Variants in PRDM5 observed in about 807,000 individuals in gnomAD.
The protein encoded by PRDM5 is PR/SET domain 5, also known as PR domain zinc finger protein 5.
Under a neutral mutation model 81.2 loss-of-function variants are expected in PRDM5, and 56 were observed. The observed-to-expected ratio is 0.69, with a 90% CI of 0.56 to 0.86. The LOEUF is 0.86. Among genes scored for constraint, PRDM5 ranks in the 40% least tolerant of loss-of-function variants. PRDM5 has a pLI of 0.00. For synonymous variants in PRDM5, 267 were observed against 256.4 expected (o/e 1.04, Z -0.39); for missense variants, 697 against 770.1 (o/e 0.91, Z 1.12).
chr4:120,895,024 T>G (rs1764462945), intron 2 of PRDM5, among the ~76,000 whole-genome samples: 1 of 152,246 alleles, frequency 6.6e-6, no homozygotes, highest in African/African-American at 2.4e-5. Flanking sequence ...TGTAAGATTT[T>G]TCTTTTTTAT....
chr4:120,733,352 G>A (rs889424186), intron 14 of PRDM5, among the ~76,000 whole-genome samples: 2 of 152,034 alleles, frequency 1.3e-5, no homozygotes, highest in East Asian at 1.9e-4. Context: ...TCTCAACAAC[G>A]CACACCTTGG....
intron 8 of PRDM5, chr4:120,810,435 T>C (rs1753674391): frequency 6.6e-6 from 1 of 152,074 alleles, no homozygotes; most frequent in African/African-American, 2.4e-5. Flanking sequence ...GGATTGGCAT[T>C]CTGCATAAAA....
chr4:120,918,758 G>A (rs1373146374), intron 1 of PRDM5, among the ~76,000 whole-genome samples: 1 of 151,616 alleles, frequency 6.6e-6, no homozygotes, highest in Non-Finnish European at 1.5e-5. Context: ...ACTGTGGAAG[G>A]CATAGGAATC....
chr4:120,873,174 G>C (rs1172754913), intron 2 of PRDM5, among the ~76,000 whole-genome samples: 1 of 151,934 alleles, frequency 6.6e-6, no homozygotes, highest in African/African-American at 2.4e-5. Flanking sequence ...GCTAATTTTT[G>C]TATTTTTTTG....
In PRDM5 at chr4:120,799,728, A is replaced by G. The variant is rs34666716; in HGVS notation, c.963T>C (p.Asp321=). ...TAAATTTCTTCATACATTCTTGACA[A>G]TCAAATATCTCATGAATCTGCAAAA... is the stretch of plus-strand genomic sequence containing the variant. ...QEHRKIHEIF[D]CQECMKKFIS... Residue 321 remains aspartate, a synonymous_variant, in exon 9 of 16, where the codon GAT becomes GAC. Coordinates refer to ENST00000264808, the MANE Select transcript of PRDM5 (RefSeq NM_018699.4). The G allele has an allele frequency of 1.6e-3, 2,512 of 1,612,718 alleles. 35 individuals carry two copies. The African/African-American group carries it at 0.029, about 19-fold the overall frequency.
At chr4:120,754,373 TTTC>T (rs1158302984) in intron 14 of PRDM5, among the ~76,000 whole-genome samples, 177 bp downstream of exon 14, 5 of 152,294 alleles carry the variant, frequency 3.3e-5, no homozygotes, top group South Asian at 2.1e-4. Flanking sequence ...TTGTGTTTTT[TTTC>T]TTCTTTTCTT....
intron 14 of PRDM5, among the ~76,000 whole-genome samples, chr4:120,753,795 T>A (rs1035143215): frequency 6.6e-6 from 1 of 152,108 alleles, no homozygotes; most frequent in Admixed American, 6.5e-5. Context: ...CAGTGAAAAG[T>A]TGTATAGAGC....
rs754555498 is a variant in PRDM5 at position 120,816,906 on chromosome 4, C to A, written c.669G>T (p.Ala223=). The A allele has an allele frequency of 6.2e-7, 1 of 1,612,804 alleles. No individual in the cohort carries two copies. The highest frequency in any genetic ancestry group is 8.5e-7 in the Non-Finnish European group (1 of 1,179,028). Residue 223 remains alanine, a synonymous_variant, in exon 6 of 16, where the codon GCG becomes GCT. Transcript: ENST00000264808. The part of the protein sequence containing the change: ...ALQRHVLQCT[A]KSSLKESSRS... ...GCGAAGACTCCTTTAGACTGCTTTT[C>A]GCTGTGCACTGAAGAACACTAAAGG...
rs186485392 is a variant in PRDM5 at position 120,807,271 on chromosome 4, C to T, written c.945+4099G>A. Among the ~76,000 whole-genome samples, 344 of 152,334 alleles carry T rather than the reference C, an allele frequency of 2.3e-3. 1 individual carries two copies. Among genetic ancestry groups the T allele is most frequent in the Non-Finnish European group, 4.2e-3 (284 of 68,028 alleles). On this transcript the variant is annotated intron_variant, in intron 8 of 15. Coordinates refer to ENST00000264808, the MANE Select transcript of PRDM5 (RefSeq NM_018699.4). ...TTGGTGGGACTGTAAATTAGTTCAA[C>T]CATTGTGGAAGACAGTGTAGTGATT...
intron 1 of PRDM5, among the ~76,000 whole-genome samples, chr4:120,918,130 G>A (rs1724429712): frequency 6.6e-6 from 1 of 152,092 alleles, no homozygotes. Flanking sequence ...TGAATTAATT[G>A]TAGCTGCCAT....
chr4:120,820,254 C>T (rs1254722765), intron 4 of PRDM5, among the ~76,000 whole-genome samples: 1 of 152,150 alleles, frequency 6.6e-6, no homozygotes, highest in Non-Finnish European at 1.5e-5. Flanking sequence ...CACATGAGGA[C>T]ACAGCTAGAA....
chr4:120,757,387 T>C (rs538726550), intron 13 of PRDM5, among the ~76,000 whole-genome samples: 3 of 152,378 alleles, frequency 2.0e-5, no homozygotes, highest in South Asian at 2.1e-4. Flanking sequence ...ACCTATCCTA[T>C]GAGTACAGTG....
chr4:120,794,023 AG>A (rs1750985793), intron 10 of PRDM5, among the ~76,000 whole-genome samples: 1 of 152,264 alleles, frequency 6.6e-6, no homozygotes, highest in African/African-American at 2.4e-5. Context: ...AATTAAAATA[AG>A]GCAAGCAATT....
chr4:120,792,210 A>G (rs1750678245), intron 10 of PRDM5, among the ~76,000 whole-genome samples: 1 of 152,202 alleles, frequency 6.6e-6, no homozygotes, highest in Non-Finnish European at 1.5e-5. Flanking sequence ...ATTGGCCTTC[A>G]TATATATTGG....
chr4:120,840,533 C>A (rs766010102), intron 3 of PRDM5, among the ~76,000 whole-genome samples: 29 of 152,114 alleles, frequency 1.9e-4, no homozygotes, highest in Non-Finnish European at 3.5e-4. Flanking sequence ...TCAAAGCAAG[C>A]ACTGCTCCCA....
chr4:120,823,801 C>A (rs1272558772), intron 3 of PRDM5, among the ~76,000 whole-genome samples: 1 of 152,214 alleles, frequency 6.6e-6, no homozygotes, highest in Non-Finnish European at 1.5e-5. Context: ...TTTGTGCCCA[C>A]AAACCTCATG....
chr4:120,791,146 T>A lies in PRDM5; in HGVS notation c.1189-6055A>T, dbSNP rs1343941991. Among the ~76,000 whole-genome samples, 3 of 152,146 alleles carry A rather than the reference T, an allele frequency of 2.0e-5. No individual in the cohort carries two copies. In the East Asian group the frequency reaches 5.8e-4, roughly 29 times the overall value. Reference sequence around the variant, plus strand: ...GGCAGTGGGTAGGAGGATCTAAACATAAAGTAGACTTCCTATTTGACCCAG... The same window carrying A: ...GGCAGTGGGTAGGAGGATCTAAACAAAAAGTAGACTTCCTATTTGACCCAG... On this transcript the variant is annotated intron_variant, in intron 10 of 15. Coordinates refer to ENST00000264808, the MANE Select transcript of PRDM5 (RefSeq NM_018699.4).
chr4:120,884,308 T>A (rs1300903697), intron 2 of PRDM5, among the ~76,000 whole-genome samples: 1 of 152,186 alleles, frequency 6.6e-6, no homozygotes, highest in African/African-American at 2.4e-5. Context: ...AAATAAGCAT[T>A]TTTGAAAACA....
At chr4:120,719,575 T>A (rs900279362) in intron 14 of PRDM5, among the ~76,000 whole-genome samples, 1 of 152,194 alleles carries the variant, frequency 6.6e-6, no homozygotes, top group African/African-American at 2.4e-5. Flanking sequence ...ATAATCTAGA[T>A]GAACAAATTC....
Sources: allele counts gnomAD v4.1 joint callset (sites outside exome capture counted in the v4.1 genomes callset), GRCh38; gene constraint gnomAD v4.1.1; transcripts MANE v1.5; gene names NCBI Gene and HGNC (gene_info 2026-07-23, HGNC 2026-07-21).